The following PLD1 variants were observed in gnomAD, a reference collection of about 807,000 sequenced individuals.
The protein encoded by PLD1 is phospholipase D1, also known as choline phosphatase 1.
A neutral mutation model predicts 137.1 loss-of-function variants in PLD1; 112 were observed. The observed-to-expected ratio is 0.82, with a 90% CI of 0.70 to 0.96. The LOEUF (loss-of-function observed/expected upper bound fraction) is 0.96, where lower values mean the gene tolerates loss of function less well. Ranked by LOEUF, PLD1 falls within the 40% of genes least tolerant of loss-of-function variation. The pLI is 0.00. For missense variants in PLD1, 1,321 were observed against 1,342.0 expected (o/e 0.98, Z 0.24); for synonymous variants, 431 against 454.7 (o/e 0.95, Z 0.66).
intron 1 of PLD1, chr3:171,793,725 A>G (rs1338342575): frequency 1.3e-5 from 2 of 152,150 alleles, no homozygotes; most frequent in African/African-American, 4.8e-5. Flanking sequence ...ATTTCATCAC[A>G]CTACTCAGAA....
chr3:171,804,607 A>T (rs980899843), intron 1 of PLD1, among the ~76,000 whole-genome samples: 1 of 152,226 alleles, frequency 6.6e-6, no homozygotes, highest in African/African-American at 2.4e-5. Flanking sequence ...AAATCCAGTG[A>T]TTCTAATATC....
At chr3:171,770,045 AAATT>A (rs1722234494) in intron 1 of PLD1, among the ~76,000 whole-genome samples, 1 of 152,228 alleles carries the variant, frequency 6.6e-6, no homozygotes, top group African/African-American at 2.4e-5. Flanking sequence ...CTTTGGTGGC[AAATT>A]AATAAAGGCA....
chr3:171,633,225 G>A (rs1734824382), intron 23 of PLD1, among the ~76,000 whole-genome samples: 1 of 152,144 alleles, frequency 6.6e-6, no homozygotes, highest in Admixed American at 6.5e-5. Context: ...AAACTGCCTT[G>A]ACATGTAATA....
chr3:171,751,619 G>T (rs925472213), intron 1 of PLD1, among the ~76,000 whole-genome samples: 6 of 152,120 alleles, frequency 3.9e-5, no homozygotes, highest in Non-Finnish European at 7.4e-5. Flanking sequence ...TCATTGGATC[G>T]GAAAATTTTT....
chr3:171,607,417 T>C (rs1732299543), intron 25 of PLD1, among the ~76,000 whole-genome samples: 1 of 152,174 alleles, frequency 6.6e-6, no homozygotes, highest in Non-Finnish European at 1.5e-5. Flanking sequence ...GATAAGCCAA[T>C]GTGTCCACCA....
intron 8 of PLD1, among the ~76,000 whole-genome samples, chr3:171,714,525 G>A (rs1414452846): frequency 6.6e-6 from 1 of 152,180 alleles, no homozygotes; most frequent in Non-Finnish European, 1.5e-5. Context: ...GTGCATACCA[G>A]ACAAAGTAAA....
chr3:171,661,783 T>C (rs994475451), intron 20 of PLD1, among the ~76,000 whole-genome samples: 8 of 152,224 alleles, frequency 5.3e-5, no homozygotes, highest in African/African-American at 1.7e-4. Context: ...GGGGTATTTC[T>C]GTCTAATACT....
chr3:171,773,509 G>A (rs1722478226), intron 1 of PLD1, among the ~76,000 whole-genome samples: 1 of 152,088 alleles, frequency 6.6e-6, no homozygotes, highest in Non-Finnish European at 1.5e-5. Flanking sequence ...GGCTGAGGCA[G>A]GAGAATCGCT....
At chr3:171,654,181 T>C in intron 21 of PLD1, 1 of 333,762 alleles carries the variant, frequency 3.0e-6, no homozygotes, top group Non-Finnish European at 6.0e-6. Flanking sequence ...CGGGTGCCTG[T>C]AATCCCAGAT....
chr3:171,657,639 G>T (rs546340380), intron 21 of PLD1, among the ~76,000 whole-genome samples: 2 of 152,164 alleles, frequency 1.3e-5, no homozygotes, highest in East Asian at 3.9e-4. Context: ...TATATAAAAA[G>T]TAACAAAATG....
At chr3:171,667,592 C>T (rs564364277) in intron 19 of PLD1, among the ~76,000 whole-genome samples, 37 of 152,298 alleles carry the variant, frequency 2.4e-4, no homozygotes, top group African/African-American at 8.9e-4. Context: ...GGATTTGGGG[C>T]TGTGGCAACA....
chr3:171,808,372 T>C lies in PLD1; in HGVS notation c.-32+2027A>G, dbSNP rs548049197. ...TAACACGGTGAAACCCCGTCTCTAC[T>C]AAAAATACAAAAAATCAACCGGGCG... is the stretch of plus-strand genomic sequence containing the variant. On this transcript the variant is annotated intron_variant, in intron 1 of 26. Coordinates refer to ENST00000351298, the MANE Select transcript of PLD1 (RefSeq NM_002662.5). Among the ~76,000 whole-genome samples the C allele has an allele frequency of 4.6e-5, 7 of 152,104 alleles. No individual in the cohort carries two copies. The East Asian group carries it at 1.4e-3, about 29-fold the overall frequency.
intron 4 of PLD1, 37 bp from the exon 5 acceptor site, chr3:171,735,007 GAT>G: frequency 8.7e-7 from 1 of 1,143,186 alleles, no homozygotes; most frequent in Non-Finnish European, 1.3e-6. Flanking sequence ...ACACCTACTA[GAT>G]TATTCTGTGA....
intron 21 of PLD1, among the ~76,000 whole-genome samples, chr3:171,656,961 T>A (rs1422079966): frequency 6.6e-6 from 1 of 152,150 alleles, no homozygotes; most frequent in Non-Finnish European, 1.5e-5. Flanking sequence ...CCCAACACAT[T>A]TGCCTCAGCT....
At chr3:171,786,191 A>G (rs559889404) in intron 1 of PLD1, among the ~76,000 whole-genome samples, 4 of 152,340 alleles carry the variant, frequency 2.6e-5, no homozygotes, top group African/African-American at 9.6e-5. Context: ...ACCCACCAAT[A>G]AACTTTTCCA....
intron 19 of PLD1, 39 bp from the exon 20 acceptor site, chr3:171,662,209 T>G: frequency 9.0e-7 from 1 of 1,110,350 alleles, no homozygotes; most frequent in Non-Finnish European, 1.4e-6. Context: ...GTATTAGCAA[T>G]GGAGAGGACA....
At chr3:171,677,008 G>A (rs149484151) in intron 17 of PLD1, among the ~76,000 whole-genome samples, 175 bp from the exon 18 acceptor site, 1 of 152,290 alleles carries the variant, frequency 6.6e-6, no homozygotes, top group South Asian at 2.1e-4. Context: ...TCACATTCAG[G>A]GACATAGTCT....
chr3:171,738,818 C>T (rs996787986), intron 1 of PLD1, among the ~76,000 whole-genome samples: 4 of 152,134 alleles, frequency 2.6e-5, no homozygotes, highest in African/African-American at 9.7e-5. Context: ...ACATCAGTAC[C>T]CAGGGCAGAA....
At chr3:171,690,855 T>C (rs2108517620) in intron 13 of PLD1, among the ~76,000 whole-genome samples, 1 of 152,330 alleles carries the variant, frequency 6.6e-6, no homozygotes, top group Non-Finnish European at 1.5e-5. Flanking sequence ...TGGTTTACTG[T>C]ACGTTCAAGT....
Sources: allele counts gnomAD v4.1 joint callset (sites outside exome capture counted in the v4.1 genomes callset), GRCh38; gene constraint gnomAD v4.1.1; transcripts MANE v1.5; gene names NCBI Gene and HGNC (gene_info 2026-07-23, HGNC 2026-07-21).